NDUFS4: variants seen among roughly 807,000 people sequenced by gnomAD.
The protein encoded by NDUFS4 is NADH dehydrogenase [ubiquinone] iron-sulfur protein 4, mitochondrial.
Under a neutral mutation model 24.3 loss-of-function variants are expected in NDUFS4, and 28 were observed. The observed-to-expected ratio is 1.15, with a 90% CI of 0.85 to 1.58. NDUFS4 has a LOEUF of 1.58. NDUFS4 is among the 40% of genes most tolerant of loss of function. The pLI, the probability that NDUFS4 is intolerant of heterozygous loss-of-function variation, is 0.00. For missense variants in NDUFS4, 223 were observed against 207.9 expected (o/e 1.07, Z -0.45); for synonymous variants, 93 against 69.7 (o/e 1.34, Z -1.67).
At chr5:53,590,613 C>A (rs983976534) in intron 1 of NDUFS4, among the ~76,000 whole-genome samples, 10 of 152,126 alleles carry the variant, frequency 6.6e-5, no homozygotes, top group African/African-American at 2.4e-4. Flanking sequence ...TTAATAGATA[C>A]AAACATACTA....
chr5:53,634,817 T>C (rs1751502318), intron 2 of NDUFS4, among the ~76,000 whole-genome samples: 1 of 152,170 alleles, frequency 6.6e-6, no homozygotes, highest in Admixed American at 6.5e-5. Flanking sequence ...CCAGACTTTT[T>C]TTTTTTCACC....
chr5:53,613,500 G>A (rs1474877979), intron 2 of NDUFS4, among the ~76,000 whole-genome samples: 1 of 151,570 alleles, frequency 6.6e-6, no homozygotes, highest in East Asian at 1.9e-4. Context: ...CCTACAAAAT[G>A]CCTATTTTTA....
At chr5:53,581,113 G>A (rs1312566739) in intron 1 of NDUFS4, among the ~76,000 whole-genome samples, 2 of 152,104 alleles carry the variant, frequency 1.3e-5, no homozygotes, top group South Asian at 2.1e-4. Context: ...GATTACAGGC[G>A]TGAGCTACTG....
intron 1 of NDUFS4, among the ~76,000 whole-genome samples, chr5:53,570,164 A>G (rs1369880447): frequency 6.6e-6 from 1 of 152,078 alleles, no homozygotes; most frequent in Non-Finnish European, 1.5e-5. Context: ...AGACTTCATT[A>G]CCCCAAGACT....
chr5:53,575,634 C>T (rs13179304), intron 1 of NDUFS4, among the ~76,000 whole-genome samples: 31,621 of 142,364 alleles, frequency 0.22, 3,984 homozygotes, highest in East Asian at 0.48. Context: ...CTCTGCCTCC[C>T]GGGTTAAATC....
intron 2 of NDUFS4, among the ~76,000 whole-genome samples, chr5:53,631,611 C>A (rs1751412649): frequency 6.6e-6 from 1 of 152,172 alleles, no homozygotes; most frequent in African/African-American, 2.4e-5. Flanking sequence ...GAGAGGCAGT[C>A]AGCCTTGCTG....
At chr5:53,661,297 G>T (rs1752335841) in intron 4 of NDUFS4, among the ~76,000 whole-genome samples, 1 of 152,178 alleles carries the variant, frequency 6.6e-6, no homozygotes, top group Admixed American at 6.5e-5. Context: ...GTTTGTCAAA[G>T]ATCAGATACT....
chr5:53,606,628 G>A (rs1750519719), intron 2 of NDUFS4, among the ~76,000 whole-genome samples: 1 of 152,206 alleles, frequency 6.6e-6, no homozygotes, highest in Admixed American at 6.5e-5. Flanking sequence ...GCCTCCCGAA[G>A]TGCTGGGATT....
intron 2 of NDUFS4, among the ~76,000 whole-genome samples, chr5:53,625,717 CATT>C (rs1751199415): frequency 6.7e-6 from 1 of 150,006 alleles, no homozygotes; most frequent in African/African-American, 2.5e-5. Flanking sequence ...ATATAGTTTC[CATT>C]ATTCTGCAGA....
At chr5:53,639,664 T>C (rs1579907816) in intron 2 of NDUFS4, among the ~76,000 whole-genome samples, 1 of 152,162 alleles carries the variant, frequency 6.6e-6, no homozygotes, top group East Asian at 1.9e-4. Context: ...TGACAACTTC[T>C]TGAGACATTA....
chr5:53,606,251 G>T (rs928996495), intron 2 of NDUFS4, among the ~76,000 whole-genome samples: 1 of 152,154 alleles, frequency 6.6e-6, no homozygotes, highest in Non-Finnish European at 1.5e-5. Context: ...ATTGGCTCAT[G>T]GTCCTGCAGG....
intron 2 of NDUFS4, among the ~76,000 whole-genome samples, chr5:53,631,177 C>G (rs573914686): frequency 6.6e-6 from 1 of 152,306 alleles, no homozygotes; most frequent in Non-Finnish European, 1.5e-5. Context: ...TGGAGGTCCA[C>G]TCCAGACCCT....
rs1751296802 is a variant in NDUFS4, at chr5:53,628,458, A to G, written c.178-17775A>G. ...TTGGAATAGTTTCAGAAGGAATGGT[A>G]TGAGCTCCTCTTTGTACCTCTGGTA... On this transcript the variant is annotated intron_variant, in intron 2 of 4. Transcript: ENST00000296684. Among the ~76,000 whole-genome samples the G allele has an allele frequency of 2.0e-5, 3 of 152,178 alleles. No homozygotes were observed. In the South Asian group the frequency reaches 6.2e-4, roughly 32 times the overall value.
At chr5:53,592,386 A>C in intron 1 of NDUFS4, among the ~76,000 whole-genome samples, 1 of 152,192 alleles carries the variant, frequency 6.6e-6, no homozygotes, top group East Asian at 1.9e-4. Context: ...TCACAGAGCT[A>C]AAGCTGTTAA....
intron 2 of NDUFS4, among the ~76,000 whole-genome samples, chr5:53,641,419 A>G (rs1751703473): frequency 6.6e-6 from 1 of 152,192 alleles, no homozygotes; most frequent in Non-Finnish European, 1.5e-5. Context: ...CATATTATCC[A>G]CAGCAGTTCA....
At chr5:53,597,319 A>G (rs938192712) in intron 1 of NDUFS4, among the ~76,000 whole-genome samples, 1 of 152,220 alleles carries the variant, frequency 6.6e-6, no homozygotes, top group Non-Finnish European at 1.5e-5. Context: ...GGAAACACAC[A>G]TAACCTCAGT....
At chr5:53,579,828 T>C (rs1284712968) in intron 1 of NDUFS4, among the ~76,000 whole-genome samples, 2 of 152,166 alleles carry the variant, frequency 1.3e-5, no homozygotes, top group Non-Finnish European at 2.9e-5. Flanking sequence ...ATAAGAAGGA[T>C]GCAGGTGGAG....
chr5:53,589,959 G>C (rs1749890537), intron 1 of NDUFS4, among the ~76,000 whole-genome samples: 1 of 152,096 alleles, frequency 6.6e-6, no homozygotes, highest in Non-Finnish European at 1.5e-5. Flanking sequence ...ACCTTGTGAT[G>C]GTGTGAGTTA....
chr5:53,581,949 C>T (rs992932579), intron 1 of NDUFS4, among the ~76,000 whole-genome samples: 2 of 152,134 alleles, frequency 1.3e-5, no homozygotes, highest in African/African-American at 2.4e-5. Context: ...TGGTGGCTCA[C>T]GCCTGTAATC....
Sources: gnomAD v4.1 joint callset for allele counts (sites outside exome capture counted in the v4.1 genomes callset) on GRCh38, gnomAD v4.1.1 for gene constraint, MANE v1.5 for transcripts, NCBI Gene and HGNC (gene_info 2026-07-23, HGNC 2026-07-21) for gene names.